The following NELL1 variants were observed in gnomAD, a reference collection of about 807,000 sequenced individuals.
NELL1 encodes the protein protein kinase C-binding protein NELL1.
In NELL1, 76 loss-of-function variants were observed where a neutral mutation model predicts 107.4. That is an observed-to-expected ratio of 0.71 (90% confidence interval 0.59 to 0.86). The LOEUF (loss-of-function observed/expected upper bound fraction) is 0.86. Among genes scored for constraint, NELL1 ranks in the 40% least tolerant of loss-of-function variants. The probability of loss-of-function intolerance (pLI) is 0.00; values close to 1 mark genes in which losing one functional copy is unlikely to be tolerated. For missense variants in NELL1, 1,024 were observed against 1,005.5 expected (o/e 1.02, Z -0.25); for synonymous variants, 353 against 341.2 (o/e 1.03, Z -0.38).
At chr11:21,374,097 T>A (rs757376345) in intron 15 of NELL1, among the ~76,000 whole-genome samples, 1 of 152,138 alleles carries the variant, frequency 6.6e-6, no homozygotes, top group Non-Finnish European at 1.5e-5. Context: ...TCCAGAGATA[T>A]GTTAACTGCC....
intron 12 of NELL1, among the ~76,000 whole-genome samples, chr11:20,971,020 T>C (rs762265800): frequency 6.6e-6 from 1 of 152,214 alleles, no homozygotes; most frequent in Admixed American, 6.5e-5. Context: ...TTGCATGGCC[T>C]TGCTTTGTGT....
chr11:21,568,550 TTA>T (rs1857024923), intron 17 of NELL1, among the ~76,000 whole-genome samples: 1 of 151,766 alleles, frequency 6.6e-6, no homozygotes, highest in East Asian at 1.9e-4. Flanking sequence ...GTAATAACAC[TTA>T]GTTTAAAACA....
intron 3 of NELL1, among the ~76,000 whole-genome samples, chr11:20,844,742 A>G (rs985805064): frequency 6.6e-6 from 1 of 152,222 alleles, no homozygotes; most frequent in Non-Finnish European, 1.5e-5. Flanking sequence ...ACACAGATGT[A>G]AACATAGAAC....
chr11:21,164,977 A>G (rs1222306708), intron 13 of NELL1, among the ~76,000 whole-genome samples: 3 of 152,132 alleles, frequency 2.0e-5, no homozygotes, highest in Admixed American at 6.5e-5. Flanking sequence ...TCCTTCTCAT[A>G]GAGACTTGAT....
chr11:21,360,181 C>T (rs1019263944), intron 14 of NELL1, among the ~76,000 whole-genome samples: 2 of 151,936 alleles, frequency 1.3e-5, no homozygotes, highest in Non-Finnish European at 2.9e-5. Context: ...GATTCTGTTA[C>T]GTTGTGTCAC....
intron 4 of NELL1, among the ~76,000 whole-genome samples, chr11:20,851,919 G>A (rs748858357): frequency 3.3e-5 from 5 of 152,314 alleles, no homozygotes; most frequent in Admixed American, 1.3e-4. Flanking sequence ...TTGATAACTC[G>A]CAATGGCAGC....
intron 3 of NELL1, among the ~76,000 whole-genome samples, chr11:20,843,182 G>A (rs1848648488): frequency 6.6e-6 from 1 of 152,098 alleles, no homozygotes; most frequent in Non-Finnish European, 1.5e-5. Context: ...TATCTGGAGA[G>A]TCCTGCTAGG....
intron 4 of NELL1, among the ~76,000 whole-genome samples, chr11:20,853,689 A>G (rs1848830289): frequency 6.6e-6 from 1 of 152,204 alleles, no homozygotes; most frequent in South Asian, 2.1e-4. Flanking sequence ...TTACCTCTGT[A>G]AAAATAGTGG....
chr11:21,068,219 T>C (rs1331747500), intron 12 of NELL1, among the ~76,000 whole-genome samples: 1 of 152,036 alleles, frequency 6.6e-6, no homozygotes, highest in Admixed American at 6.6e-5. Flanking sequence ...AGGGGCCCTA[T>C]TGATATAAAT....
Position 20,973,052 on chromosome 11 carries a change from G to A in NELL1, c.1300+12492G>A, listed in dbSNP as rs1250588313. Among the ~76,000 whole-genome samples, 3 of 150,376 alleles carry A rather than the reference G, an allele frequency of 2.0e-5. No homozygotes were observed. In the East Asian group the frequency reaches 5.9e-4, roughly 30 times the overall value. ...AGGCTTCCTCCTCTGGGTTCTAGTA[G>A]CACTTTGTCAAACCTTATTAGAGTG... On this transcript the variant is annotated intron_variant, in intron 12 of 19. Transcript: ENST00000357134.
intron 16 of NELL1, among the ~76,000 whole-genome samples, chr11:21,552,840 A>G (rs1318417533): frequency 6.6e-6 from 1 of 151,792 alleles, no homozygotes; most frequent in African/African-American, 2.4e-5. Flanking sequence ...GGTTCAAATT[A>G]CTGTCCTTGA....
At chr11:21,308,118 G>T (rs1217422256) in intron 14 of NELL1, among the ~76,000 whole-genome samples, 2 of 151,986 alleles carry the variant, frequency 1.3e-5, no homozygotes, top group African/African-American at 4.8e-5. Flanking sequence ...TTACTCAACT[G>T]CTCTGACTCT....
At chr11:21,400,919 G>A (rs1327648771) in intron 15 of NELL1, among the ~76,000 whole-genome samples, 1 of 151,830 alleles carries the variant, frequency 6.6e-6, no homozygotes, top group African/African-American at 2.4e-5. Context: ...GAGGAGCCAG[G>A]GAAGGGGGAT....
At chr11:21,441,442 G>T (rs1853283641) in intron 15 of NELL1, among the ~76,000 whole-genome samples, 1 of 148,766 alleles carries the variant, frequency 6.7e-6, no homozygotes, top group African/African-American at 2.5e-5. Flanking sequence ...CACTTGTATT[G>T]CACAGTTCTA....
intron 7 of NELL1, among the ~76,000 whole-genome samples, chr11:20,923,675 A>G (rs1023137611): frequency 6.6e-6 from 1 of 152,214 alleles, no homozygotes; most frequent in Non-Finnish European, 1.5e-5. Flanking sequence ...GAGATACTGA[A>G]GACTGGGACT....
At chr11:21,286,624 G>T (rs1849123344) in intron 14 of NELL1, among the ~76,000 whole-genome samples, 2 of 152,198 alleles carry the variant, frequency 1.3e-5, no homozygotes, top group African/African-American at 4.8e-5. Flanking sequence ...ATTTAGCAAT[G>T]GGGGTTTATG....
At position 20,733,186 on chromosome 11, in the gene NELL1, G is replaced by A. The variant is rs564576762; in HGVS notation, c.185-50494G>A. Among the ~76,000 whole-genome samples the A allele has an allele frequency of 1.2e-4, 18 of 152,222 alleles. No individual in the cohort carries two copies. In the South Asian group the frequency reaches 3.3e-3, roughly 28 times the overall value. ...CTCTTCCTCTATCTTCCTTCCATAG[G>A]TTTTGAGAGTCTTTGTTCTCTCCTA... On this transcript the variant is annotated intron_variant, in intron 2 of 19. Coordinates refer to ENST00000357134, the MANE Select transcript of NELL1 (RefSeq NM_006157.5).
At chr11:21,005,420 C>A (rs1852307293) in intron 12 of NELL1, among the ~76,000 whole-genome samples, 1 of 152,180 alleles carries the variant, frequency 6.6e-6, no homozygotes, top group Admixed American at 6.6e-5. Context: ...GCTGTTCAGA[C>A]TGGACAGTGG....
At chr11:21,127,780 A>G (rs1040625104) in intron 13 of NELL1, among the ~76,000 whole-genome samples, 9 of 152,166 alleles carry the variant, frequency 5.9e-5, no homozygotes, top group African/African-American at 1.9e-4. Flanking sequence ...TCAATATTCA[A>G]TTTTTTCTTT....
Sources: gnomAD v4.1 joint callset for allele counts (sites outside exome capture counted in the v4.1 genomes callset) on GRCh38, gnomAD v4.1.1 for gene constraint, MANE v1.5 for transcripts, NCBI Gene and HGNC (gene_info 2026-07-23, HGNC 2026-07-21) for gene names.